CCSER1: variants seen among roughly 807,000 people sequenced by gnomAD.
CCSER1 encodes serine-rich coiled-coil domain-containing protein 1.
A neutral mutation model predicts 82.0 loss-of-function variants in CCSER1; 41 were observed. That is an observed-to-expected ratio of 0.50 (90% CI 0.39 to 0.65). The LOEUF (loss-of-function observed/expected upper bound fraction) is 0.65. CCSER1 is among the 30% of genes least tolerant of loss of function. CCSER1 has a pLI of 0.00. For missense variants in CCSER1, 1,119 were observed against 1,064.2 expected, an observed-to-expected ratio of 1.05 and a Z score of -0.72; for synonymous variants, 414 against 383.9, an observed-to-expected ratio of 1.08 and a Z score of -0.92.
chr4:91,513,296 T>C (rs931133356), intron 10 of CCSER1, among the ~76,000 whole-genome samples: 3 of 152,108 alleles, frequency 2.0e-5, no homozygotes, highest in Non-Finnish European at 4.4e-5. Flanking sequence ...CCCAACCTTA[T>C]ATTCCAGGAA....
At chr4:91,450,906 G>A (rs1420549568) in intron 10 of CCSER1, among the ~76,000 whole-genome samples, 1 of 151,914 alleles carries the variant, frequency 6.6e-6, no homozygotes, top group Non-Finnish European at 1.5e-5. Flanking sequence ...GAAAAAAGTT[G>A]TAATACATGA....
At chr4:90,232,192 T>C (rs1472358979) in intron 1 of CCSER1, among the ~76,000 whole-genome samples, 1 of 152,036 alleles carries the variant, frequency 6.6e-6, no homozygotes, top group Non-Finnish European at 1.5e-5. Flanking sequence ...AGAACAAAGC[T>C]GGAGGCATCA....
intron 6 of CCSER1, among the ~76,000 whole-genome samples, chr4:90,643,372 T>C (rs983759020): frequency 6.6e-6 from 1 of 152,176 alleles, no homozygotes; most frequent in African/African-American, 2.4e-5. Context: ...CCTATACTAC[T>C]TCAGAGAGAG....
At chr4:90,955,765 G>A (rs1234205104) in intron 9 of CCSER1, among the ~76,000 whole-genome samples, 2 of 152,002 alleles carry the variant, frequency 1.3e-5, no homozygotes, top group South Asian at 2.1e-4. Context: ...CTGTCTTGGG[G>A]TATTTGTACT....
At chr4:91,475,395 C>T (rs986890913) in intron 10 of CCSER1, among the ~76,000 whole-genome samples, 1 of 151,778 alleles carries the variant, frequency 6.6e-6, no homozygotes, top group African/African-American at 2.4e-5. Flanking sequence ...CGAAGGCGCA[C>T]ATTTAATATT....
chr4:90,263,841 C>T (rs1724767145), intron 1 of CCSER1, among the ~76,000 whole-genome samples: 1 of 152,080 alleles, frequency 6.6e-6, no homozygotes, highest in African/African-American at 2.4e-5. Context: ...CTCCATAACC[C>T]CTTTGTGAAT....
chr4:91,030,369 A>G (rs1391260381), intron 9 of CCSER1, among the ~76,000 whole-genome samples: 3 of 152,132 alleles, frequency 2.0e-5, no homozygotes, highest in Admixed American at 6.6e-5. Flanking sequence ...ATAGCTATTG[A>G]GCACTTGAAA....
chr4:91,253,480 G>A (rs962364805), intron 10 of CCSER1, among the ~76,000 whole-genome samples: 2 of 152,040 alleles, frequency 1.3e-5, no homozygotes, highest in Non-Finnish European at 2.9e-5. Context: ...AAATGTATAT[G>A]CTATCTATAA....
At chr4:91,090,074 C>T (rs569970187) in intron 10 of CCSER1, among the ~76,000 whole-genome samples, 14 of 152,242 alleles carry the variant, frequency 9.2e-5, no homozygotes, top group South Asian at 2.1e-4. Context: ...GATGGGGGTC[C>T]GATATCCCCA....
intron 10 of CCSER1, among the ~76,000 whole-genome samples, chr4:91,485,755 T>G (rs2110057780): frequency 6.6e-6 from 1 of 152,310 alleles, no homozygotes; most frequent in Admixed American, 6.5e-5. Context: ...AAAATGGCAT[T>G]ATTTTCACTT....
intron 3 of CCSER1, among the ~76,000 whole-genome samples, chr4:90,360,680 G>A (rs1043337436): frequency 2.6e-5 from 4 of 151,768 alleles, no homozygotes; most frequent in Non-Finnish European, 5.9e-5. Flanking sequence ...TGTCTGGTGA[G>A]GTTTAAGAGT....
At chr4:90,779,822 A>G (rs1424515753) in intron 7 of CCSER1, among the ~76,000 whole-genome samples, 2 of 152,210 alleles carry the variant, frequency 1.3e-5, no homozygotes, top group Non-Finnish European at 2.9e-5. Context: ...CTTTCCCCCT[A>G]TTAAATACAG....
chr4:90,898,702 G>T (rs984153299), intron 8 of CCSER1, among the ~76,000 whole-genome samples: 2 of 151,928 alleles, frequency 1.3e-5, no homozygotes, highest in Non-Finnish European at 2.9e-5. Flanking sequence ...ATTGAATAAG[G>T]AGTACTTTCC....
intron 10 of CCSER1, among the ~76,000 whole-genome samples, chr4:91,344,250 C>T (rs1254616921): frequency 6.6e-6 from 1 of 152,134 alleles, no homozygotes; most frequent in Non-Finnish European, 1.5e-5. Context: ...AATAAGGCCC[C>T]CACTTGACAC....
rs193241064 is a variant in CCSER1 at position 90,910,565 on chromosome 4, C to T, written c.2095-12805C>T. Among the ~76,000 whole-genome samples, 6 of 152,220 alleles carry T rather than the reference C, an allele frequency of 3.9e-5. No individual in the cohort carries two copies. In the East Asian group the frequency reaches 9.6e-4, roughly 24 times the overall value. ...AGTATACTGTTTAATTTTGTAAGCC[C>T]TATTATTTCTTGTAAAAATCACCTG... On this transcript the variant is annotated intron_variant, in intron 8 of 10. Coordinates refer to ENST00000509176, the MANE Select transcript of CCSER1 (RefSeq NM_001145065.2).
chr4:91,250,625 G>A (rs1392368618), intron 10 of CCSER1, among the ~76,000 whole-genome samples: 1 of 150,868 alleles, frequency 6.6e-6, no homozygotes, highest in Non-Finnish European at 1.5e-5. Flanking sequence ...TCTTTCAATA[G>A]ATGGCAAACT....
intron 9 of CCSER1, among the ~76,000 whole-genome samples, chr4:90,975,642 T>G (rs1227219073): frequency 2.0e-5 from 3 of 151,174 alleles, no homozygotes; most frequent in Non-Finnish European, 3.0e-5. Context: ...CATTATATTA[T>G]TAGTAGTAGT....
chr4:91,430,711 G>C (rs548383403), intron 10 of CCSER1, among the ~76,000 whole-genome samples: 12 of 152,158 alleles, frequency 7.9e-5, no homozygotes, highest in Admixed American at 1.3e-4. Context: ...AGAAATGTTC[G>C]ATTATATGAA....
chr4:90,155,007 G>A (rs1054199840), intron 1 of CCSER1, among the ~76,000 whole-genome samples: 3 of 152,132 alleles, frequency 2.0e-5, no homozygotes, highest in Non-Finnish European at 4.4e-5. Context: ...TATGATATTG[G>A]CTGTGGGTTT....
Sources: gnomAD v4.1 joint callset for allele counts (sites outside exome capture counted in the v4.1 genomes callset) on GRCh38, gnomAD v4.1.1 for gene constraint, MANE v1.5 for transcripts, NCBI Gene and HGNC (gene_info 2026-07-23, HGNC 2026-07-21) for gene names.